SOD2: variants seen among roughly 807,000 people sequenced by gnomAD.
The protein encoded by SOD2 is superoxide dismutase 2.
SOD2 carries 11 observed loss-of-function variants against 27.0 expected under a neutral mutation model. That is an observed-to-expected ratio of 0.41 (90% CI 0.26 to 0.67). The LOEUF is 0.67. Among genes scored for constraint, SOD2 ranks in the 30% least tolerant of loss-of-function variants. SOD2 has a pLI of 0.34. For synonymous variants in SOD2, 105 were observed against 103.0 expected, an observed-to-expected ratio of 1.02 and a Z score of -0.12; for missense variants, 250 against 274.5, an observed-to-expected ratio of 0.91 and a Z score of 0.63.
At chr6:159,683,275 G>C (rs1780038123) in intron 4 of SOD2, among the ~76,000 whole-genome samples, 1 of 152,182 alleles carries the variant, frequency 6.6e-6, no homozygotes, top group African/African-American at 2.4e-5. Context: ...CTTGAGGTCA[G>C]GCGTTCGAGA....
At chr6:159,701,157 A>G (rs1777516786) in intron 1 of SOD2, among the ~76,000 whole-genome samples, 1 of 152,142 alleles carries the variant, frequency 6.6e-6, no homozygotes, top group South Asian at 2.1e-4. Context: ...TTGAGAAACC[A>G]TGGTTAGCAT....
chr6:159,733,094 T>A (rs1467588890), intron 1 of SOD2, among the ~76,000 whole-genome samples: 1 of 152,040 alleles, frequency 6.6e-6, no homozygotes, highest in Admixed American at 6.6e-5. Context: ...TGCCACCAGG[T>A]TAAGGTAGTT....
At chr6:159,747,276 A>G (rs974850036), upstream of SOD2, among the ~76,000 whole-genome samples, 3 of 152,192 alleles carry the variant, frequency 2.0e-5, no homozygotes, top group Non-Finnish European at 2.9e-5. Flanking sequence ...TCGAAATTGA[A>G]GGTTTCATAT....
In SOD2 at chr6:159,714,983, A is replaced by G. The variant is rs145637492; in HGVS notation, c.-116+12146T>C. Among the ~76,000 whole-genome samples, 888 of 152,122 alleles carry G rather than the reference A, an allele frequency of 5.8e-3. 5 individuals are homozygous for G. Among genetic ancestry groups the G allele is most frequent in the Non-Finnish European group, 6.9e-3 (468 of 67,984 alleles). ...TTCCTGTGTCAGTCCTTGGGTCCTG[A>G]AGTCCATAGCCAGTTTGCCTTTCAG... On this transcript the variant is annotated intron_variant, in intron 1 of 2. Coordinates refer to the SOD2 transcript ENST00000401980.
chr6:159,711,790 T>A lies in SOD2; in HGVS notation c.-116+15339A>T, dbSNP rs62437333. 4.9e-4 allele frequency among the ~76,000 whole-genome samples: 8 copies of A among 16,338 alleles called. No homozygotes were observed. The South Asian group carries it at 0.015, about 31-fold the overall frequency. The allele number at this position is 16,338 out of a possible 152,430, so 10.7% of individuals were successfully genotyped here. The stretch of plus-strand genomic sequence containing the variant: ...ACCACCTCCATAACCACCACTCACA[T>A]TGCTCTGATCACCATAACCACCTCC... On this transcript the variant is annotated intron_variant, in intron 1 of 2. Coordinates refer to the SOD2 transcript ENST00000401980.
intron 1 of SOD2, among the ~76,000 whole-genome samples, chr6:159,723,944 G>T (rs1273746726): frequency 1.3e-5 from 2 of 152,088 alleles, no homozygotes; most frequent in East Asian, 3.9e-4. Context: ...TTTGTATTTT[G>T]TAGAGACAAG....
At chr6:159,726,722 G>A (rs369075056) in intron 1 of SOD2, 4 of 1,257,618 alleles carry the variant, frequency 3.2e-6, no homozygotes, top group African/African-American at 3.1e-5. Flanking sequence ...CGCAACCTCC[G>A]ACGCCAGAGA....
chr6:159,716,278 G>T (rs1429743662), intron 1 of SOD2, among the ~76,000 whole-genome samples: 2 of 152,174 alleles, frequency 1.3e-5, no homozygotes, highest in Non-Finnish European at 1.5e-5. Context: ...GCAGTCCCTT[G>T]GTGAGTCTGG....
In SOD2 at chr6:159,762,255, CAAGCCGCGAG is replaced by C. The variant is rs1780155021; in HGVS notation, c.-1564_-1555del. ...CGTATGTGGAGGAAGCCGGTCAGGC[CAAGCCGCGAG>C]GAGCCGCGGGATCCCTGGAACCCTG... On this transcript the variant is annotated 5_prime_UTR_variant, in exon 1 of 8. Coordinates refer to the SOD2 transcript ENST00000546087. The C allele has an allele frequency of 3.5e-5, 48 of 1,381,666 alleles. No individual in the cohort carries two copies. In the South Asian group the frequency reaches 6.8e-4, roughly 20 times the overall value. 85.6% of individuals were successfully genotyped at this position (1,381,666 alleles called of 1,614,324 possible). A position where few individuals can be genotyped will look rare whatever the true frequency, so the allele number is the denominator to read the frequency against.
chr6:159,726,038 C>A (rs1398632060), intron 1 of SOD2: 2 of 152,200 alleles, frequency 1.3e-5, no homozygotes, highest in Admixed American at 1.3e-4. Flanking sequence ...ACTGCAATAA[C>A]CTTGTATACC....
At position 159,762,178 on chromosome 6, in the gene SOD2, C is replaced by A. The variant is rs771012131; in HGVS notation, c.-1477G>T. 232 of 1,595,442 alleles carry A rather than the reference C, an allele frequency of 1.5e-4. 1 individual carries two copies. Among genetic ancestry groups the A allele is most frequent in the Non-Finnish European group, 1.9e-4 (220 of 1,170,224 alleles). On this transcript the variant is annotated 5_prime_UTR_variant, in exon 1 of 8. Transcript: ENST00000546087. The stretch of plus-strand genomic sequence containing the variant: ...GGCGGGAGCCGCGCAGAGTCCGAGG[C>A]GCCTGCTGCTTCGGCAGGAGCGCCG...
chr6:159,743,570 G>T, intron 1 of SOD2: 2 of 1,201,976 alleles, frequency 1.7e-6, no homozygotes, highest in Non-Finnish European at 2.3e-6. Flanking sequence ...CTAAAGACTT[G>T]ATTAATTTTT....
rs1482565818 is a variant in SOD2, at chr6:159,681,166, G to A, written c.*1327C>T. On this transcript the variant is annotated 3_prime_UTR_variant, in exon 5 of 5. Transcript: ENST00000538183. The stretch of plus-strand genomic sequence containing the variant: ...GAGACGGAGCAGGGACCCCTCTTTG[G>A]GGTGTGCCAGGGGGATTCCCACAAG... The A allele has an allele frequency of 7.2e-6, 1 of 139,682 alleles. No homozygotes were observed. Among genetic ancestry groups the A allele is most frequent in the Non-Finnish European group, 1.6e-5 (1 of 60,988 alleles). The allele number at this position is 139,682 out of a possible 1,614,324, so 8.7% of individuals were successfully genotyped here.
chr6:159,683,428 T>C (rs1780046301), intron 4 of SOD2, among the ~76,000 whole-genome samples: 1 of 152,130 alleles, frequency 6.6e-6, no homozygotes, highest in East Asian at 1.9e-4. Flanking sequence ...GAAGTTGTAG[T>C]GAGCCAAGAT....
At chr6:159,693,597 G>A (rs1424074792), upstream of SOD2, among the ~76,000 whole-genome samples, 4 of 152,202 alleles carry the variant, frequency 2.6e-5, no homozygotes, top group Non-Finnish European at 5.9e-5. Context: ...GGGTGCCGGC[G>A]GGGATCTGGC....
At chr6:159,685,380 T>A (rs377110515) in intron 3 of SOD2, among the ~76,000 whole-genome samples, 74 of 152,088 alleles carry the variant, frequency 4.9e-4, no homozygotes, top group African/African-American at 1.7e-3. Context: ...GCAGCTGCGA[T>A]TACAGGCACG....
At chr6:159,722,772 G>A (rs536052529) in intron 1 of SOD2, among the ~76,000 whole-genome samples, 1 of 152,162 alleles carries the variant, frequency 6.6e-6, no homozygotes, top group African/African-American at 2.4e-5. Flanking sequence ...TTTACCATAA[G>A]TGTACTCTCA....
intron 1 of SOD2, chr6:159,743,636 G>A (rs1347326685): frequency 6.4e-7 from 1 of 1,564,176 alleles, no homozygotes. Context: ...TCTTAAAATT[G>A]TATTTATAAT....
chr6:159,755,168 A>C (rs752368470), intron 1 of SOD2: 1 of 1,614,178 alleles, frequency 6.2e-7, no homozygotes, highest in Non-Finnish European at 8.5e-7. Context: ...CTCTGCCCCA[A>C]GTACCAGCAG....
Sources: gnomAD v4.1 joint callset for allele counts (sites outside exome capture counted in the v4.1 genomes callset) on GRCh38, gnomAD v4.1.1 for gene constraint, MANE v1.5 for transcripts, NCBI Gene and HGNC (gene_info 2026-07-23, HGNC 2026-07-21) for gene names.